LMBRD2: variants seen among roughly 807,000 people sequenced by gnomAD.
LMBRD2 encodes the protein G protein-coupled receptor-associated protein LMBRD2.
Under a neutral mutation model 94.4 loss-of-function variants are expected in LMBRD2, and 55 were observed. The ratio of observed to expected loss-of-function variants is 0.58; its 90% CI spans 0.47 to 0.73. The LOEUF is 0.73. LMBRD2 is among the 30% of genes least tolerant of loss of function. LMBRD2 has a pLI of 0.00. For missense variants in LMBRD2, 640 were observed against 831.9 expected, an observed-to-expected ratio of 0.77 and a Z score of 2.84; for synonymous variants, 246 against 272.4, an observed-to-expected ratio of 0.90 and a Z score of 0.95.
rs936656701 is a variant in LMBRD2 at position 36,102,397 on chromosome 5, C to T, written c.*1649G>A. On this transcript the variant is annotated 3_prime_UTR_variant, in exon 18 of 18. Transcript: ENST00000296603. The stretch of plus-strand genomic sequence containing the variant: ...ATTCAATTAGTCAATCATTAAATTA[C>T]AAAGAGGATCAAATTATCTCTGCTC... 2 of 151,812 alleles carry T rather than the reference C, an allele frequency of 1.3e-5. No individual in the cohort carries two copies. The highest frequency in any genetic ancestry group is 3.0e-5 in the Non-Finnish European group (2 of 67,786). The allele number at this position is 151,812 out of a possible 1,614,324, so 9.4% of individuals were successfully genotyped here.
In LMBRD2 at chr5:36,108,533, C is replaced by T; in HGVS notation, c.1897+1G>A. ...AGTGAACTAGAAGATAAACTACTTA[C>T]AACGGTTGGTATTAACATCTGAGAA... On this transcript the variant is annotated splice_donor_variant, in intron 16 of 17. Transcript: ENST00000296603. LOFTEE classifies it high-confidence loss of function. 1 of 1,503,894 alleles carries T rather than the reference C, an allele frequency of 6.6e-7. No homozygotes were observed. Among genetic ancestry groups the T allele is most frequent in the South Asian group, 1.2e-5 (1 of 81,136 alleles). 93.2% of individuals were successfully genotyped at this position (1,503,894 alleles called of 1,614,324 possible).
Position 36,103,925 on chromosome 5 carries a change from CTTTT to C in LMBRD2, c.*117_*120del, listed in dbSNP as rs34809284. The C allele has an allele frequency of 5.3e-5, 35 of 654,876 alleles. No individual in the cohort carries two copies. Among genetic ancestry groups the C allele is most frequent in the Non-Finnish European group, 8.4e-5 (31 of 368,466 alleles). The allele number at this position is 654,876 out of a possible 1,614,324, so 40.6% of individuals were successfully genotyped here. On this transcript the variant is annotated 3_prime_UTR_variant, in exon 18 of 18. Coordinates refer to ENST00000296603, the MANE Select transcript of LMBRD2 (RefSeq NM_001007527.2). The stretch of plus-strand genomic sequence containing the variant: ...CTAAGATATAATTAATTCTCAGTGC[CTTTT>C]TTGTTATCTTGACACTTTTCACTGT...
intron 10 of LMBRD2, among the ~76,000 whole-genome samples, chr5:36,117,338 G>T (rs1743780010): frequency 6.6e-6 from 1 of 152,042 alleles, no homozygotes; most frequent in South Asian, 2.1e-4. Flanking sequence ...ATTAGCAGGG[G>T]ATGGTGGTGC....
intron 16 of LMBRD2, among the ~76,000 whole-genome samples, chr5:36,106,820 A>G (rs1212633031): frequency 6.6e-6 from 1 of 152,062 alleles, no homozygotes; most frequent in African/African-American, 2.4e-5. Context: ...GAGAATGACA[A>G]TATCTGTTCC....
intron 1 of LMBRD2, among the ~76,000 whole-genome samples, chr5:36,146,947 T>TGTGA (rs1376950593): frequency 2.1e-5 from 3 of 141,214 alleles, no homozygotes; most frequent in East Asian, 2.5e-4. Flanking sequence ...TGTGAGTGTG[T>TGTGA]GTGTGTGTGT....
intron 6 of LMBRD2, among the ~76,000 whole-genome samples, chr5:36,131,128 G>A (rs548332653): frequency 1.4e-4 from 21 of 152,050 alleles, no homozygotes; most frequent in African/African-American, 5.1e-4. Flanking sequence ...CGTTGAAAAG[G>A]TCATCCATCT....
intron 1 of LMBRD2, among the ~76,000 whole-genome samples, chr5:36,146,266 A>G (rs552039515): frequency 9.2e-5 from 14 of 152,362 alleles, no homozygotes; most frequent in African/African-American, 3.4e-4. Flanking sequence ...GTAGGTCAGA[A>G]GTTCAAACAT....
intron 6 of LMBRD2, among the ~76,000 whole-genome samples, chr5:36,129,714 T>C (rs1009170080): frequency 4.6e-5 from 7 of 152,140 alleles, no homozygotes; most frequent in Admixed American, 2.6e-4. Flanking sequence ...AAACAAAGAA[T>C]ATTATTAACA....
chr5:36,139,763 A>G (rs1744359696), intron 4 of LMBRD2, among the ~76,000 whole-genome samples: 1 of 152,048 alleles, frequency 6.6e-6, no homozygotes, highest in Admixed American at 6.5e-5. Context: ...GCTCCTCTCC[A>G]CTGAGAGCTA....
chr5:36,139,410 T>G (rs1744349206), intron 4 of LMBRD2, among the ~76,000 whole-genome samples: 1 of 152,058 alleles, frequency 6.6e-6, no homozygotes, highest in African/African-American at 2.4e-5. Context: ...ATGACATGAT[T>G]GATGGTGGCA....
intron 1 of LMBRD2, chr5:36,147,935 T>C: frequency 2.5e-6 from 1 of 394,928 alleles, no homozygotes; most frequent in South Asian, 1.9e-5. Context: ...TCAAATACTG[T>C]TAACTTAAAT....
At position 36,103,811 on chromosome 5, in the gene LMBRD2, A is replaced by T. The variant is rs1743400896; in HGVS notation, c.*235T>A. The T allele has an allele frequency of 3.1e-6, 1 of 320,864 alleles. No homozygotes were observed. Among genetic ancestry groups the T allele is most frequent in the African/African-American group, 2.1e-5 (1 of 46,580 alleles). The allele number at this position is 320,864 out of a possible 1,614,324, so 19.9% of individuals were successfully genotyped here. On this transcript the variant is annotated 3_prime_UTR_variant, in exon 18 of 18. Coordinates refer to ENST00000296603, the MANE Select transcript of LMBRD2 (RefSeq NM_001007527.2). ...CTTAAAGTCCTTCCACTGTAACTGT[A>T]TTTCTAAGGCAGATGCTTAGGAAAT...
chr5:36,117,665 C>T (rs1743789644), intron 10 of LMBRD2, 70 bp downstream of exon 10: 2 of 1,091,380 alleles, frequency 1.8e-6, no homozygotes, highest in African/African-American at 1.6e-5. Flanking sequence ...AGAAGAAATA[C>T]ATGGAGAAAA....
At position 36,105,149 on chromosome 5, in the gene LMBRD2, A is replaced by C; in HGVS notation, c.1946T>G (p.Ile649Arg). 6.2e-7 allele frequency: 1 copy of C among 1,612,820 alleles called. No homozygotes were observed. The highest frequency in any genetic ancestry group is 1.3e-5 in the African/African-American group (1 of 74,976). ...RANNRTERDR[I>R]ELLQDAEPLD... ...AGGTTCTGCATCTTGGAGAAGTTCT[A>C]TCCGGTCCCTTTCAGTCCTGTTATT... Residue 649 changes from isoleucine (I) to arginine (R), a missense_variant, in exon 17 of 18, where the codon ATA (isoleucine) becomes AGA (arginine). Physicochemically the swap from Ile to Arg is moderately conservative, Grantham distance 97 (BLOSUM62 -3). Coordinates refer to ENST00000296603, the MANE Select transcript of LMBRD2 (RefSeq NM_001007527.2).
chr5:36,111,386 T>C (rs1006968374), intron 13 of LMBRD2, 128 bp from the exon 14 acceptor site: 3 of 705,574 alleles, frequency 4.3e-6, no homozygotes, highest in African/African-American at 1.8e-5. Flanking sequence ...TATAGTTATC[T>C]ACTGTCACAT....
At position 36,103,137 on chromosome 5, in the gene LMBRD2, A is replaced by C. The variant is rs1176758936; in HGVS notation, c.*909T>G. 1 of 152,250 alleles carries C rather than the reference A, an allele frequency of 6.6e-6. No homozygotes were observed. The highest frequency in any genetic ancestry group is 2.4e-5 in the African/African-American group (1 of 41,422). The allele number at this position is 152,250 out of a possible 1,614,324, so 9.4% of individuals were successfully genotyped here. The stretch of plus-strand genomic sequence containing the variant: ...ATGGATTCACTTTTTACCTTTGAAT[A>C]ACCAGTTTTTTTCTCAAAAAGTATA... On this transcript the variant is annotated 3_prime_UTR_variant, in exon 18 of 18. Coordinates refer to ENST00000296603, the MANE Select transcript of LMBRD2 (RefSeq NM_001007527.2).
chr5:36,143,485 GTACATTAA>G, intron 1 of LMBRD2, 79 bp from the exon 2 acceptor site: 1 of 565,748 alleles, frequency 1.8e-6, no homozygotes, highest in Non-Finnish European at 3.1e-6. Flanking sequence ...ATATTTATTA[GTACATTAA>G]TACATTAATC....
intron 9 of LMBRD2, among the ~76,000 whole-genome samples, chr5:36,121,868 G>C (rs1184697441): frequency 1.3e-5 from 2 of 152,116 alleles, no homozygotes; most frequent in African/African-American, 2.4e-5. Context: ...TAGCCTAGGA[G>C]TAATAAGCCA....
intron 5 of LMBRD2, 80 bp downstream of exon 5, chr5:36,137,194 C>T: frequency 1.1e-6 from 1 of 899,368 alleles, no homozygotes; most frequent in Non-Finnish European, 1.6e-6. Context: ...GTCTTTTTAC[C>T]TGCACATATG....
Sources: allele counts gnomAD v4.1 joint callset (sites outside exome capture counted in the v4.1 genomes callset), GRCh38; gene constraint gnomAD v4.1.1; transcripts MANE v1.5; gene names NCBI Gene and HGNC (gene_info 2026-07-23, HGNC 2026-07-21).